The following CDH18 variants were observed in gnomAD, a reference collection of about 807,000 sequenced individuals.
CDH18 encodes cadherin-18.
CDH18 carries 31 observed loss-of-function variants against 67.9 expected under a neutral mutation model. The ratio of observed to expected loss-of-function variants is 0.46; its 90% CI spans 0.34 to 0.62. The LOEUF (loss-of-function observed/expected upper bound fraction) is 0.62. Among genes scored for constraint, CDH18 ranks in the 20% least tolerant of loss-of-function variants. CDH18 has a pLI of 0.01. For missense variants in CDH18, 890 were observed against 975.5 expected, an observed-to-expected ratio of 0.91 and a Z score of 1.17; for synonymous variants, 362 against 347.2, an observed-to-expected ratio of 1.04 and a Z score of -0.48.
At chr5:19,715,781 A>C (rs1367759546) in intron 5 of CDH18, among the ~76,000 whole-genome samples, 2 of 151,686 alleles carry the variant, frequency 1.3e-5, no homozygotes, top group African/African-American at 4.8e-5. Context: ...ATAATCATTC[A>C]AAATGTAGTA....
Position 19,546,011 on chromosome 5 carries a change from G to T in CDH18, c.1254-2006C>A, listed in dbSNP as rs188657090. Among the ~76,000 whole-genome samples the T allele has an allele frequency of 9.2e-4, 140 of 152,254 alleles. 1 individual carries two copies. Among genetic ancestry groups the T allele is most frequent in the South Asian group, 3.3e-3 (16 of 4,828 alleles). ...CTGTTCGGAGATGGTGACAGCCAAA[G>T]GAGAGAGGGAAAACTGGGAAGGGGA... On this transcript the variant is annotated intron_variant, in intron 8 of 12. Coordinates refer to ENST00000382275, the MANE Select transcript of CDH18 (RefSeq NM_004934.5).
chr5:20,443,361 C>T (rs1362095390), intron 1 of CDH18, among the ~76,000 whole-genome samples: 1 of 151,634 alleles, frequency 6.6e-6, no homozygotes, highest in East Asian at 1.9e-4. Context: ...ATCCCTAAAC[C>T]ACATTTAACA....
intron 2 of CDH18, among the ~76,000 whole-genome samples, chr5:20,011,659 C>T (rs1737449104): frequency 6.6e-6 from 1 of 152,062 alleles, no homozygotes; most frequent in Admixed American, 6.6e-5. Flanking sequence ...GAGTTTTTAA[C>T]ATGAGGGGAT....
At chr5:20,253,385 C>T (rs1171359594) in intron 2 of CDH18, among the ~76,000 whole-genome samples, 2 of 151,924 alleles carry the variant, frequency 1.3e-5, no homozygotes, top group African/African-American at 4.8e-5. Context: ...CCACTAGATC[C>T]CCAGCAATGG....
At chr5:19,592,693 G>T (rs1384902753) in intron 6 of CDH18, among the ~76,000 whole-genome samples, 1 of 152,034 alleles carries the variant, frequency 6.6e-6, no homozygotes, top group African/African-American at 2.4e-5. Flanking sequence ...CTTAATATGA[G>T]ATCCATCCGA....
intron 7 of CDH18, among the ~76,000 whole-genome samples, chr5:19,584,075 A>G (rs1357036047): frequency 2.6e-5 from 4 of 152,218 alleles, no homozygotes; most frequent in Non-Finnish European, 5.9e-5. Flanking sequence ...CCATATAAGA[A>G]GAGACTTTGA....
At chr5:20,259,766 C>CA (rs1341915580) in intron 1 of CDH18, among the ~76,000 whole-genome samples, 1 of 152,234 alleles carries the variant, frequency 6.6e-6, no homozygotes, top group East Asian at 1.9e-4. Context: ...CCCCTAGCCC[C>CA]TGTGTTGTTC....
intron 2 of CDH18, among the ~76,000 whole-genome samples, chr5:20,022,298 AGC>A (rs1738498991): frequency 6.6e-6 from 1 of 152,234 alleles, no homozygotes; most frequent in Admixed American, 6.5e-5. Context: ...ATAAGGAAGT[AGC>A]TGGTAAGGTT....
At chr5:20,447,670 A>G (rs1190046094) in intron 1 of CDH18, among the ~76,000 whole-genome samples, 2 of 152,072 alleles carry the variant, frequency 1.3e-5, no homozygotes, top group Non-Finnish European at 2.9e-5. Flanking sequence ...TTACACTCCA[A>G]TTTCATTTAT....
intron 6 of CDH18, among the ~76,000 whole-genome samples, chr5:19,605,389 T>C (rs1045141226): frequency 1.2e-4 from 18 of 151,922 alleles, no homozygotes; most frequent in Non-Finnish European, 2.2e-4. Context: ...AAATATTGTG[T>C]TTCTATGAAG....
At chr5:19,867,912 A>G (rs1437258140) in intron 2 of CDH18, among the ~76,000 whole-genome samples, 1 of 151,974 alleles carries the variant, frequency 6.6e-6, no homozygotes, top group Non-Finnish European at 1.5e-5. Flanking sequence ...GGAGGTGCTT[A>G]CCCCCATGCT....
intron 1 of CDH18, among the ~76,000 whole-genome samples, chr5:20,490,651 T>C (rs1508543): frequency 0.033 from 5,066 of 152,258 alleles, 275 homozygotes; most frequent in African/African-American, 0.11. Context: ...AGATAGAGGC[T>C]GCAATTCACT....
intron 1 of CDH18, among the ~76,000 whole-genome samples, chr5:20,279,613 C>G (rs535837916): frequency 2.1e-5 from 3 of 142,694 alleles, no homozygotes; most frequent in African/African-American, 7.9e-5. Flanking sequence ...GCAGGAGAAC[C>G]GCTTGAACCT....
chr5:19,702,251 C>T (rs889063170), intron 5 of CDH18, among the ~76,000 whole-genome samples: 11 of 149,304 alleles, frequency 7.4e-5, no homozygotes, highest in Non-Finnish European at 1.3e-4. Flanking sequence ...AGGGTTCAAG[C>T]GATTCTCCTG....
intron 1 of CDH18, among the ~76,000 whole-genome samples, chr5:20,400,478 AAAATAAAT>A (rs527243013): frequency 6.6e-6 from 1 of 151,600 alleles, no homozygotes; most frequent in Non-Finnish European, 1.5e-5. Context: ...GCTTCATCTC[AAAATAAAT>A]AAATAAATAA....
chr5:19,751,399 G>A (rs1427088244), intron 3 of CDH18, among the ~76,000 whole-genome samples: 2 of 152,112 alleles, frequency 1.3e-5, no homozygotes, highest in Admixed American at 6.5e-5. Flanking sequence ...TTGTTTATAA[G>A]TAGAAAACAT....
rs369034653 is a variant in CDH18 at position 19,520,660 on chromosome 5, G to A, written c.1509C>T (p.Gly503=). The change falls in exon 10 of 13, where the codon GGC becomes GGT. Residue 503 remains glycine (G), a synonymous_variant. Coordinates refer to ENST00000382275, the MANE Select transcript of CDH18 (RefSeq NM_004934.5). ...DIIVCENSKP[G]QVIHTISATD... is the part of the protein sequence containing the mutation. ...AGGAAGGAAACAATTAACTTACCTG[G>A]CCAGGCTTAGAATTTTCACATACAA... 1.2e-6 allele frequency: 2 copies of A among 1,607,844 alleles called. No individual in the cohort carries two copies. Among genetic ancestry groups the A allele is most frequent in the Admixed American group, 1.7e-5 (1 of 58,878 alleles).
chr5:20,404,631 C>T (rs995433645), intron 1 of CDH18, among the ~76,000 whole-genome samples: 2 of 151,828 alleles, frequency 1.3e-5, no homozygotes, highest in African/African-American at 4.8e-5. Context: ...TATAAGGGCA[C>T]CCCAAAAAAA....
At chr5:20,479,970 G>A (rs1455194795) in intron 1 of CDH18, among the ~76,000 whole-genome samples, 1 of 152,132 alleles carries the variant, frequency 6.6e-6, no homozygotes, top group Non-Finnish European at 1.5e-5. Flanking sequence ...GGGAAGGAGA[G>A]AGTGGCATGA....
Sources: gnomAD v4.1 joint callset for allele counts (sites outside exome capture counted in the v4.1 genomes callset) on GRCh38, gnomAD v4.1.1 for gene constraint, MANE v1.5 for transcripts, NCBI Gene and HGNC (gene_info 2026-07-23, HGNC 2026-07-21) for gene names.